GRK4: variants seen among roughly 807,000 people sequenced by gnomAD.
GRK4 encodes the protein G protein-coupled receptor kinase 2-like.
A neutral mutation model predicts 77.9 loss-of-function variants in GRK4; 73 were observed. The observed-to-expected ratio is 0.94, with a 90% confidence interval of 0.78 to 1.14. GRK4 has a LOEUF of 1.14. GRK4 is among the 50% of genes most tolerant of loss of function. The pLI is 0.00. For synonymous variants in GRK4, 257 were observed against 254.4 expected (o/e 1.01, Z -0.10); for missense variants, 729 against 700.2 (o/e 1.04, Z -0.46).
chr4:3,003,147 C>T (rs1730332215), intron 4 of GRK4, among the ~76,000 whole-genome samples: 1 of 152,160 alleles, frequency 6.6e-6, no homozygotes, highest in African/African-American at 2.4e-5. Context: ...CTCTAGGGAC[C>T]ATATATAAGT....
chr4:2,964,146 G>A (rs920176402), intron 1 of GRK4, 24 bp downstream of exon 1: 1 of 1,257,720 alleles, frequency 8.0e-7, no homozygotes, highest in Non-Finnish European at 1.1e-6. Context: ...AGGCGCCCCC[G>A]ACCCCCCCCC....
Position 3,037,438 on chromosome 4 carries a change from A to G in GRK4, c.1472A>G (p.Tyr491Cys). The G allele has an allele frequency of 6.2e-7, 1 of 1,608,776 alleles. No individual in the cohort carries two copies. The highest frequency in any genetic ancestry group is 8.5e-7 in the Non-Finnish European group (1 of 1,176,274). Reference protein sequence around the residue: ...IEQFSVVKGIYLDTADEDFYA... With the variant: ...IEQFSVVKGICLDTADEDFYA... The stretch of plus-strand genomic sequence containing the variant: ...CAGTTCTCGGTGGTGAAAGGGATCT[A>G]CCTGGACACCGCAGATGAAGACTTC... The change falls in exon 14 of 16, where the codon TAC becomes TGC. Residue 491 changes from tyrosine (Y) to cysteine (C), a missense_variant. By Grantham distance (194) the Tyr-to-Cys change is radical. Transcript: ENST00000398052.
intron 3 of GRK4, among the ~76,000 whole-genome samples, chr4:2,990,231 C>A (rs1725700318): frequency 8.1e-6 from 1 of 124,012 alleles, no homozygotes; most frequent in African/African-American, 3.0e-5. Context: ...TAAGGTGATT[C>A]TTCTTCTTCT....
intron 1 of GRK4, chr4:2,965,775 G>A: frequency 2.9e-6 from 1 of 341,852 alleles, no homozygotes; most frequent in Non-Finnish European, 5.6e-6. Flanking sequence ...GAAGAGAATG[G>A]GATCTTTTTC....
intron 7 of GRK4, among the ~76,000 whole-genome samples, chr4:3,010,180 A>G (rs1732478267): frequency 6.6e-6 from 1 of 152,102 alleles, no homozygotes; most frequent in Admixed American, 6.6e-5. Context: ...GGAAAATCCT[A>G]AGGAAATGAC....
At chr4:2,968,900 G>A (rs754546660) in intron 1 of GRK4, among the ~76,000 whole-genome samples, 10 of 152,102 alleles carry the variant, frequency 6.6e-5, no homozygotes, top group Admixed American at 1.3e-4. Flanking sequence ...TATCCTGGGA[G>A]AGAGCACCAA....
chr4:3,035,665 C>T (rs1446040177), intron 13 of GRK4, 142 bp downstream of exon 13: 2 of 898,200 alleles, frequency 2.2e-6, no homozygotes, highest in Non-Finnish European at 3.3e-6. Context: ...CTCAAGTGGT[C>T]CTCCACCTTG....
intron 15 of GRK4, 89 bp from the exon 16 acceptor site, chr4:3,040,483 C>A: frequency 3.0e-6 from 3 of 987,462 alleles, no homozygotes; most frequent in Non-Finnish European, 4.5e-6. Flanking sequence ...GCACCCCCCA[C>A]CCAAAAGTTT....
Position 3,005,346 on chromosome 4 carries a change from T to G in GRK4, c.443+1012T>G, listed in dbSNP as rs545517952. On this transcript the variant is annotated intron_variant, in intron 5 of 15. Coordinates refer to ENST00000398052, the MANE Select transcript of GRK4 (RefSeq NM_182982.3). ...TTGTGTTTAAAAAGATCGCTCTGGG[T>G]GCAACTTAGAGGTTAAAGAGAGGGA... is the stretch of plus-strand genomic sequence containing the variant. Among the ~76,000 whole-genome samples, 101 of 152,044 alleles carry G rather than the reference T, an allele frequency of 6.6e-4. 2 individuals carry two copies. Among genetic ancestry groups the G allele is most frequent in the Middle Eastern group, 3.4e-3 (1 of 294 alleles).
intron 9 of GRK4, 95 bp downstream of exon 9, chr4:3,019,926 G>A: frequency 8.3e-7 from 1 of 1,211,750 alleles, no homozygotes; most frequent in South Asian, 1.5e-5. Flanking sequence ...CTTCCAGGAT[G>A]GGCAGGAGAA....
chr4:2,995,119 T>C (rs918211921), intron 4 of GRK4, among the ~76,000 whole-genome samples: 6 of 152,214 alleles, frequency 3.9e-5, no homozygotes, highest in African/African-American at 1.4e-4. Context: ...GATCGTTCTC[T>C]TTTTTACGGC....
chr4:3,033,263 G>C (rs1272740763), intron 12 of GRK4, among the ~76,000 whole-genome samples: 1 of 152,150 alleles, frequency 6.6e-6, no homozygotes, highest in African/African-American at 2.4e-5. Flanking sequence ...GAAAGATGGA[G>C]CCTTCTCACT....
intron 6 of GRK4, among the ~76,000 whole-genome samples, chr4:3,009,009 CAA>C (rs1302875370): frequency 6.6e-6 from 1 of 152,104 alleles, no homozygotes; most frequent in Non-Finnish European, 1.5e-5. Context: ...GGGATCTACC[CAA>C]GAGTATACCA....
At chr4:3,038,610 G>T (rs1182765931) in intron 15 of GRK4, 97 bp downstream of exon 15, 2 of 1,369,410 alleles carry the variant, frequency 1.5e-6, no homozygotes, top group African/African-American at 2.9e-5. Context: ...TTCTGTTTGC[G>T]ATGGCTCCTA....
At chr4:2,964,995 T>G (rs1332052462) in intron 1 of GRK4, among the ~76,000 whole-genome samples, 2 of 152,212 alleles carry the variant, frequency 1.3e-5, no homozygotes, top group East Asian at 3.8e-4. Context: ...CTTGGTTTTT[T>G]CTTTCAACGC....
At chr4:3,022,028 C>G (rs192800546) in intron 9 of GRK4, among the ~76,000 whole-genome samples, 1 of 152,152 alleles carries the variant, frequency 6.6e-6, no homozygotes, top group Non-Finnish European at 1.5e-5. Flanking sequence ...AGGTACACAC[C>G]ACTGCACCCA....
intron 4 of GRK4, among the ~76,000 whole-genome samples, chr4:3,000,597 G>C (rs955444512): frequency 1.4e-5 from 2 of 147,134 alleles, no homozygotes; most frequent in African/African-American, 5.0e-5. Flanking sequence ...AAACAGTCTT[G>C]CTCTGTCACC....
intron 2 of GRK4, chr4:2,986,814 G>A: frequency 2.9e-6 from 1 of 346,036 alleles, no homozygotes; most frequent in Non-Finnish European, 5.8e-6. Context: ...TAGTACTATT[G>A]TAGTTCCTTT....
chr4:3,022,533 A>G, intron 10 of GRK4, 82 bp downstream of exon 10: 1 of 1,222,118 alleles, frequency 8.2e-7, no homozygotes, highest in Non-Finnish European at 1.2e-6. Context: ...CAGAAAGTGG[A>G]CTTAATGATT....
Sources: allele counts gnomAD v4.1 joint callset (sites outside exome capture counted in the v4.1 genomes callset), GRCh38; gene constraint gnomAD v4.1.1; transcripts MANE v1.5; gene names NCBI Gene and HGNC (gene_info 2026-07-23, HGNC 2026-07-21).